Variants in SOBP observed in about 807,000 individuals in gnomAD.
The protein encoded by SOBP is sine oculis binding protein homolog.
SOBP carries 4 observed loss-of-function variants against 53.6 expected under a neutral mutation model. The ratio of observed to expected loss-of-function variants is 0.07; its 90% CI spans 0.04 to 0.17. The LOEUF is 0.17. Among genes scored for constraint, SOBP ranks in the 10% least tolerant of loss-of-function variants. SOBP has a pLI of 1.00. For synonymous variants in SOBP, 584 were observed against 522.6 expected (o/e 1.12, Z -1.60); for missense variants, 1,088 against 1,204.7 (o/e 0.90, Z 1.43).
Position 107,587,145 on chromosome 6 carries a change from G to A in SOBP, c.639G>A (p.Arg213=). 1 of 1,613,568 alleles carries A rather than the reference G, an allele frequency of 6.2e-7. No individual in the cohort carries two copies. The highest frequency in any genetic ancestry group is 8.5e-7 in the Non-Finnish European group (1 of 1,179,750). Residue 213 remains arginine, a synonymous_variant, in exon 5 of 7, where the codon AGG becomes AGA. Coordinates refer to ENST00000317357, the MANE Select transcript of SOBP (RefSeq NM_018013.4). ...PQQHYAKETP[R]LAFKNNCELL... ...AGCACTATGCTAAGGAAACTCCAAG[G>A]CTTGCCTTCAAGAATAACTGCGAAC... is the stretch of plus-strand genomic sequence containing the variant.
chr6:107,622,813 T>G (rs1484179814), intron 5 of SOBP, among the ~76,000 whole-genome samples: 1 of 152,178 alleles, frequency 6.6e-6, no homozygotes, highest in Non-Finnish European at 1.5e-5. Flanking sequence ...GTGGGGATAT[T>G]TAGTATAAAA....
rs1292979463 is a variant in SOBP, at chr6:107,634,869, C to A, written c.2025C>A (p.His675Gln). The change falls in exon 6 of 7, where the codon CAC (histidine) becomes CAA (glutamine). Residue 675 changes from histidine to glutamine, a missense_variant. His to Gln is a conservative substitution (Grantham distance 24). Around this residue, in one of 6 missense-constraint regions of SOBP, gnomAD observed 665 missense variants for 629.7 expected, o/e 1.06. Transcript: ENST00000317357. The surrounding 1 kb of genome is among the most constrained non-coding windows in gnomAD (Gnocchi z 4.5). Reference sequence around the variant, plus strand: ...TGATCCACCGCGCGCTGCACGCGCACGTCAAGGCGGAGCGCGAGCCGAGCG... The same window carrying A: ...TGATCCACCGCGCGCTGCACGCGCAAGTCAAGGCGGAGCGCGAGCCGAGCG... ...HNVIHRALHA[H>Q]VKAEREPSAA... 2 of 1,360,342 alleles carry A rather than the reference C, an allele frequency of 1.5e-6. No individual in the cohort carries two copies. Among genetic ancestry groups the A allele is most frequent in the African/African-American group, 1.5e-5 (1 of 66,076 alleles). The allele number at this position is 1,360,342 out of a possible 1,614,324, so 84.3% of individuals were successfully genotyped here.
intron 3 of SOBP, among the ~76,000 whole-genome samples, chr6:107,507,571 G>A (rs1013442877): frequency 1.3e-5 from 2 of 152,144 alleles, no homozygotes; most frequent in African/African-American, 4.8e-5. Context: ...CTCTCAAAGT[G>A]CTGGGATTAC....
chr6:107,584,910 A>C (rs950240313), intron 4 of SOBP, among the ~76,000 whole-genome samples: 2 of 152,126 alleles, frequency 1.3e-5, no homozygotes, highest in African/African-American at 4.8e-5. Flanking sequence ...GGTGTGTATG[A>C]ATGTGTATAC....
At chr6:107,597,937 T>G (rs1786004290) in intron 5 of SOBP, among the ~76,000 whole-genome samples, 5 of 152,230 alleles carry the variant, frequency 3.3e-5, no homozygotes, top group Admixed American at 2.0e-4. Context: ...GGGTATTTAA[T>G]GTCATGGACA....
At chr6:107,589,853 G>A (rs545978988) in intron 5 of SOBP, among the ~76,000 whole-genome samples, 5 of 152,256 alleles carry the variant, frequency 3.3e-5, no homozygotes, top group East Asian at 1.9e-4. Flanking sequence ...GCGCACACAC[G>A]TGCACACACA....
At chr6:107,612,846 G>A (rs1786650257) in intron 5 of SOBP, among the ~76,000 whole-genome samples, 1 of 152,112 alleles carries the variant, frequency 6.6e-6, no homozygotes, top group South Asian at 2.1e-4. Context: ...GAATTATGTG[G>A]CCTTTTTAGT....
At chr6:107,535,980 T>C (rs1183660790) in intron 4 of SOBP, among the ~76,000 whole-genome samples, 1 of 152,198 alleles carries the variant, frequency 6.6e-6, no homozygotes, top group Non-Finnish European at 1.5e-5. Flanking sequence ...TTGTGGACTT[T>C]CTTAATCTTA....
intron 3 of SOBP, among the ~76,000 whole-genome samples, chr6:107,518,380 G>A (rs1034347236): frequency 1.3e-5 from 2 of 152,186 alleles, no homozygotes; most frequent in Non-Finnish European, 2.9e-5. Context: ...GGACTCTCAT[G>A]CATAGCTGGT....
intron 5 of SOBP, among the ~76,000 whole-genome samples, chr6:107,590,547 C>T (rs1785710581): frequency 6.6e-6 from 1 of 152,186 alleles, no homozygotes; most frequent in South Asian, 2.1e-4. Context: ...TGAGCCATCA[C>T]CTAGACAACG....
chr6:107,552,202 C>G (rs891257602), intron 4 of SOBP, among the ~76,000 whole-genome samples: 2 of 152,118 alleles, frequency 1.3e-5, no homozygotes, highest in Non-Finnish European at 2.9e-5. Flanking sequence ...CAAGTTAAAC[C>G]GAGCTATGAT....
At chr6:107,616,339 G>T (rs1583276368) in intron 5 of SOBP, among the ~76,000 whole-genome samples, 1 of 152,278 alleles carries the variant, frequency 6.6e-6, no homozygotes, top group East Asian at 1.9e-4. Context: ...ACGGACCCAG[G>T]CTCCCTTCTG....
At chr6:107,550,769 G>A (rs1229614893) in intron 4 of SOBP, among the ~76,000 whole-genome samples, 3 of 152,170 alleles carry the variant, frequency 2.0e-5, no homozygotes, top group Non-Finnish European at 2.9e-5. Flanking sequence ...GAATGAGAGC[G>A]CCACATGTCA....
At position 107,634,159 on chromosome 6, in the gene SOBP, G is replaced by T; in HGVS notation, c.1315G>T (p.Gly439Cys). Residue 439 changes from glycine to cysteine, a missense_variant, in exon 6 of 7, where the codon GGT becomes TGT. Gly to Cys is a radical substitution (Grantham distance 159, BLOSUM62 -3). Transcript: ENST00000317357. This position sits in a 1 kb window ranked among gnomAD's most constrained non-coding sequence, Gnocchi z 4.5. ...GCTTCCCGGCATCGGGCCCCCGCCCGGTGGCCCCAGAAACCTGGGCCCCAC... is the reference window on the plus strand; with the variant it reads ...GCTTCCCGGCATCGGGCCCCCGCCCTGTGGCCCCAGAAACCTGGGCCCCAC... ...PMLPGIGPPPGGPRNLGPTSS... is the reference protein window; with the variant it reads ...PMLPGIGPPPCGPRNLGPTSS... The T allele has an allele frequency of 6.2e-7, 1 of 1,609,904 alleles. No individual in the cohort carries two copies. Among genetic ancestry groups the T allele is most frequent in the Non-Finnish European group, 8.5e-7 (1 of 1,179,080 alleles).
intron 5 of SOBP, among the ~76,000 whole-genome samples, chr6:107,626,992 G>A (rs1188550682): frequency 6.6e-6 from 1 of 152,146 alleles, no homozygotes; most frequent in East Asian, 1.9e-4. Context: ...GGTGATTTCT[G>A]TGCCCTCTCA....
chr6:107,606,757 A>G (rs1681798097), intron 5 of SOBP, among the ~76,000 whole-genome samples: 2 of 152,216 alleles, frequency 1.3e-5, no homozygotes, highest in African/African-American at 4.8e-5. Context: ...TTCTGCCTAC[A>G]GGAGCAGGAG....
At chr6:107,535,674 A>G (rs1024751734) in intron 4 of SOBP, among the ~76,000 whole-genome samples, 2 of 148,104 alleles carry the variant, frequency 1.4e-5, no homozygotes, top group African/African-American at 5.0e-5. Context: ...AAACTAGTCT[A>G]TCATTTGTTG....
At chr6:107,531,098 A>G (rs1226796778) in intron 3 of SOBP, among the ~76,000 whole-genome samples, 1 of 152,174 alleles carries the variant, frequency 6.6e-6, no homozygotes, top group African/African-American at 2.4e-5. Context: ...TTTGCACTCT[A>G]TTCTTTCTCA....
intron 4 of SOBP, among the ~76,000 whole-genome samples, chr6:107,552,821 G>C (rs776876498): frequency 2.3e-4 from 35 of 152,254 alleles, no homozygotes; most frequent in South Asian, 6.2e-4. Context: ...TACTTAGGAG[G>C]CTGAGCAGGG....
Sources: gnomAD v4.1 joint callset for allele counts (sites outside exome capture counted in the v4.1 genomes callset) on GRCh38, gnomAD v4.1.1 for gene constraint, gnomAD v4.1.1 regional missense constraint, Gnocchi (gnomAD v3.1) non-coding constraint, MANE v1.5 for transcripts, NCBI Gene and HGNC (gene_info 2026-07-23, HGNC 2026-07-21) for gene names.